The following UBE2G1 variants were observed in gnomAD, a reference collection of about 807,000 sequenced individuals.
UBE2G1 encodes ubiquitin-conjugating enzyme E2 G1.
A neutral mutation model predicts 22.7 loss-of-function variants in UBE2G1; 5 were observed. That is an observed-to-expected ratio of 0.22 (90% CI 0.12 to 0.46). The LOEUF is 0.46. Among genes scored for constraint, UBE2G1 ranks in the 20% least tolerant of loss-of-function variants. The pLI, the probability that UBE2G1 is intolerant of heterozygous loss-of-function variation, is 0.99. For synonymous variants in UBE2G1, 74 were observed against 67.5 expected, an observed-to-expected ratio of 1.10 and a Z score of -0.47; for missense variants, 88 against 203.9, an observed-to-expected ratio of 0.43 and a Z score of 3.46.
At chr17:4,294,251 A>T (rs1969078051) in intron 3 of UBE2G1, among the ~76,000 whole-genome samples, 1 of 152,168 alleles carries the variant, frequency 6.6e-6, no homozygotes, top group Non-Finnish European at 1.5e-5. Flanking sequence ...CCCCGACTCT[A>T]CTAAAAATAC....
rs80252446 is a variant in UBE2G1 at position 4,278,636 on chromosome 17, A to G, written c.*37+4162T>C. 5.3e-3 allele frequency among the ~76,000 whole-genome samples: 800 copies of G among 152,298 alleles called. 8 individuals carry two copies. Among genetic ancestry groups the G allele is most frequent in the African/African-American group, 0.019 (770 of 41,564 alleles). On this transcript the variant is annotated intron_variant, in intron 5 of 5. Coordinates refer to ENST00000396981, the MANE Select transcript of UBE2G1 (RefSeq NM_003342.5). ...CATTAGTGATTTTGGTGTGATGTAT[A>G]TTTAATTCAATTTTTAAATGATTAC...
chr17:4,300,687 G>A (rs890597849), intron 2 of UBE2G1, among the ~76,000 whole-genome samples: 7 of 149,624 alleles, frequency 4.7e-5, no homozygotes, highest in South Asian at 2.1e-4. Flanking sequence ...TATGTAGGCC[G>A]GGCACGGTGG....
chr17:4,321,441 T>C (rs4467138), intron 1 of UBE2G1, among the ~76,000 whole-genome samples: 51,845 of 151,944 alleles, frequency 0.34, 9,033 homozygotes, highest in Middle Eastern at 0.4. Flanking sequence ...TTTTTTTACA[T>C]TGAGTGATTC....
At chr17:4,279,785 T>TTTTATATATATATA (rs1334257201) in intron 5 of UBE2G1, among the ~76,000 whole-genome samples, 1 of 68,852 alleles carries the variant, frequency 1.5e-5, no homozygotes, top group African/African-American at 4.3e-5. Context: ...CAAAAAAAAG[T>TTTTATATATATATA]TATATATATA....
intron 1 of UBE2G1, among the ~76,000 whole-genome samples, chr17:4,352,228 A>C (rs1256612067): frequency 2.6e-5 from 4 of 151,520 alleles, no homozygotes; most frequent in Non-Finnish European, 4.4e-5. Flanking sequence ...ATGTAGATCT[A>C]ATTTAAACAT....
chr17:4,325,896 G>A (rs1231833349), intron 1 of UBE2G1, among the ~76,000 whole-genome samples: 3 of 152,080 alleles, frequency 2.0e-5, no homozygotes, highest in Non-Finnish European at 4.4e-5. Context: ...AACAACACTA[G>A]GGAAACTGGG....
Position 4,287,820 on chromosome 17 carries a change from T to C in UBE2G1, c.426+1410A>G, listed in dbSNP as rs1481053136. On this transcript the variant is annotated intron_variant, in intron 4 of 5. Transcript: ENST00000396981. ...ACTATTCTAGATTAAAGCCGACTAA[T>C]AAAACTTGAATACAAATAAAACAGA... 2.6e-5 allele frequency among the ~76,000 whole-genome samples: 4 copies of C among 151,704 alleles called. No individual in the cohort carries two copies. The East Asian group carries it at 7.7e-4, about 29-fold the overall frequency.
At chr17:4,318,983 G>A (rs1246269556) in intron 1 of UBE2G1, among the ~76,000 whole-genome samples, 1 of 152,112 alleles carries the variant, frequency 6.6e-6, no homozygotes. Context: ...AGCAACAGGA[G>A]ACCTTAAAGG....
chr17:4,303,142 T>C (rs568208045), intron 2 of UBE2G1, among the ~76,000 whole-genome samples: 9 of 152,208 alleles, frequency 5.9e-5, no homozygotes, highest in Non-Finnish European at 1.3e-4. Context: ...TGAAGATATT[T>C]GTATGAAGTC....
chr17:4,324,837 G>T (rs781030202), intron 1 of UBE2G1, among the ~76,000 whole-genome samples: 1 of 152,098 alleles, frequency 6.6e-6, no homozygotes, highest in East Asian at 1.9e-4. Context: ...CAGCATTTTG[G>T]GAGGCCAAGA....
intron 1 of UBE2G1, among the ~76,000 whole-genome samples, chr17:4,356,685 C>T (rs1255201792): frequency 6.6e-6 from 1 of 152,150 alleles, no homozygotes; most frequent in Admixed American, 6.6e-5. Flanking sequence ...CTGAGCAACA[C>T]AGCAAGACTT....
intron 1 of UBE2G1, among the ~76,000 whole-genome samples, chr17:4,362,733 G>C (rs530526990): frequency 6.6e-6 from 1 of 152,240 alleles, no homozygotes; most frequent in Admixed American, 6.5e-5. Context: ...GGTAGTACAT[G>C]CCTGTAATCT....
Position 4,285,669 on chromosome 17 carries a change from C to T in UBE2G1, c.427-2748G>A, listed in dbSNP as rs542215827. The stretch of plus-strand genomic sequence containing the variant: ...GAGTCAATCAAATCTGGGGCCAAAG[C>T]GGCCGGGCGAGGTGGCTCATGCCTG... On this transcript the variant is annotated intron_variant, in intron 4 of 5. Coordinates refer to ENST00000396981, the MANE Select transcript of UBE2G1 (RefSeq NM_003342.5). Among the ~76,000 whole-genome samples, 207 of 152,142 alleles carry T rather than the reference C, an allele frequency of 1.4e-3. 1 individual carries two copies. The highest frequency in any genetic ancestry group is 4.5e-3 in the African/African-American group (186 of 41,542).
chr17:4,326,852 A>G (rs1969508400), intron 1 of UBE2G1, among the ~76,000 whole-genome samples: 2 of 152,272 alleles, frequency 1.3e-5, no homozygotes. Context: ...TAAATATTGT[A>G]TGAGTCCACT....
At chr17:4,353,301 C>T (rs1405790055) in intron 1 of UBE2G1, among the ~76,000 whole-genome samples, 1 of 151,978 alleles carries the variant, frequency 6.6e-6, no homozygotes, top group African/African-American at 2.4e-5. Flanking sequence ...ACAAGTGTCA[C>T]TTGCTTAAAC....
At chr17:4,363,052 C>CTCT (rs1180423016) in intron 1 of UBE2G1, among the ~76,000 whole-genome samples, 1 of 152,090 alleles carries the variant, frequency 6.6e-6, no homozygotes, top group Admixed American at 6.6e-5. Context: ...AACCCAGAGG[C>CTCT]AGAAGTTGTC....
intron 1 of UBE2G1, among the ~76,000 whole-genome samples, chr17:4,350,928 G>A (rs1433424637): frequency 6.6e-6 from 1 of 151,866 alleles, no homozygotes; most frequent in Non-Finnish European, 1.5e-5. Context: ...AGCTACTCGG[G>A]AGGCTGAGGC....
chr17:4,313,753 A>G (rs1198162462), intron 1 of UBE2G1, among the ~76,000 whole-genome samples: 1 of 152,144 alleles, frequency 6.6e-6, no homozygotes, highest in Non-Finnish European at 1.5e-5. Context: ...TTTCCTGTCA[A>G]TGTTATACTT....
intron 2 of UBE2G1, among the ~76,000 whole-genome samples, chr17:4,305,642 A>T (rs189976444): frequency 2.0e-5 from 3 of 152,330 alleles, no homozygotes; most frequent in African/African-American, 7.2e-5. Flanking sequence ...CCCGGATTCA[A>T]GCGATTCTCC....
Sources: gnomAD v4.1 joint callset for allele counts (sites outside exome capture counted in the v4.1 genomes callset) on GRCh38, gnomAD v4.1.1 for gene constraint, MANE v1.5 for transcripts, NCBI Gene and HGNC (gene_info 2026-07-23, HGNC 2026-07-21) for gene names.